NUTM2F: variants seen among roughly 807,000 people sequenced by gnomAD.
NUTM2F encodes the protein NUT family member 2F.
Under a neutral mutation model 43.3 loss-of-function variants are expected in NUTM2F, and 22 were observed. The observed-to-expected ratio is 0.51, with a 90% CI of 0.36 to 0.73. The LOEUF is 0.73. Ranked by LOEUF, NUTM2F falls within the 30% of genes least tolerant of loss-of-function variation. The pLI is 0.00. For missense variants in NUTM2F, 488 were observed against 927.4 expected (o/e 0.53, Z 6.15); for synonymous variants, 202 against 389.0 (o/e 0.52, Z 5.66).
Position 94,322,255 on chromosome 9 carries a change from T to C in NUTM2F, c.788A>G (p.Glu263Gly), listed in dbSNP as rs1159832935. 5 of 1,611,996 alleles carry C rather than the reference T, an allele frequency of 3.1e-6. No individual in the cohort carries two copies. In the East Asian group the frequency reaches 1.1e-4, roughly 36 times the overall value. Reference protein sequence around the residue: ...LEEGLWQAMREWQHTSNFDRM... With the variant: ...LEEGLWQAMRGWQHTSNFDRM... ...GTCAAAGTTGCTCGTGTGCTGCCAT[T>C]CCCGCATGGCCTGCCACAGTCCCTC... is the stretch of plus-strand genomic sequence containing the variant. Residue 263 changes from glutamate to glycine, a missense_variant, in exon 3 of 7, where the codon GAA becomes GGA. Transcript: ENST00000253262.
At chr9:94,326,905 C>T (rs1587704784) in intron 1 of NUTM2F, among the ~76,000 whole-genome samples, 2 of 151,204 alleles carry the variant, frequency 1.3e-5, no homozygotes, top group Middle Eastern at 6.8e-3. Flanking sequence ...AGATTCAGGC[C>T]ACCCATTCCT....
chr9:94,320,369 C>T lies in NUTM2F; in HGVS notation c.1207G>A (p.Glu403Lys), dbSNP rs149664723. The T allele has an allele frequency of 1.4e-3, 2,236 of 1,613,476 alleles. 1 individual carries two copies. The highest frequency in any genetic ancestry group is 1.8e-3 in the Non-Finnish European group (2,072 of 1,179,850). The change falls in exon 5 of 7, where the codon GAG (glutamate) becomes AAG (lysine). Residue 403 changes from glutamate (E) to lysine (K), a missense_variant. Coordinates refer to ENST00000253262, the MANE Select transcript of NUTM2F (RefSeq NM_017561.2). This position sits in a 1 kb window ranked among gnomAD's most constrained non-coding sequence, Gnocchi z 4.5. ...EVVQEYVDIM[E>K]ELLGSHPGDT... is the part of the protein sequence containing the mutation. ...CCAGGGTGAGACCCCAGCAGCTCCT[C>T]CATGATGTCCACATACTCCTGCACC...
At chr9:94,321,332 G>C (rs550044555) in intron 3 of NUTM2F, 100 bp from the exon 4 acceptor site, 4 of 1,523,122 alleles carry the variant, frequency 2.6e-6, no homozygotes, top group Non-Finnish European at 8.8e-7. Context: ...GAGTGCCTCC[G>C]GCGGGCTGTC....
At chr9:94,325,056 CT>C (rs1396948146) in intron 2 of NUTM2F, among the ~76,000 whole-genome samples, 181 bp downstream of exon 2, 1 of 140,546 alleles carries the variant, frequency 7.1e-6, no homozygotes, top group African/African-American at 2.8e-5. Context: ...CGTGAGGCCC[CT>C]GACAGTCTGT....
chr9:94,319,805 C>G (rs1831332024), intron 5 of NUTM2F, 76 bp from the exon 6 acceptor site: 1 of 1,596,282 alleles, frequency 6.3e-7, no homozygotes, highest in East Asian at 2.2e-5. Context: ...GGAGGAGATG[C>G]AGAAAGCGGG....
chr9:94,326,052 CA>C (rs1831449910), intron 1 of NUTM2F, 118 bp from the exon 2 acceptor site: 1 of 948,672 alleles, frequency 1.1e-6, no homozygotes, highest in Non-Finnish European at 1.6e-6. Flanking sequence ...CTGCAGCTTG[CA>C]AGTGTCCCTG....
At chr9:94,322,479 G>T in intron 2 of NUTM2F, 150 bp from the exon 3 acceptor site, 2 of 1,387,786 alleles carry the variant, frequency 1.4e-6, no homozygotes, top group South Asian at 1.3e-5. Flanking sequence ...CAGCCTCCAG[G>T]ACACACCCCC....
chr9:94,324,019 T>C (rs532472094), intron 2 of NUTM2F, among the ~76,000 whole-genome samples: 3,850 of 152,182 alleles, frequency 0.025, 73 homozygotes, highest in Non-Finnish European at 0.038. Flanking sequence ...CCTGCAATCC[T>C]AGCACTTTGG....
chr9:94,322,139 G>A (rs1428353912), intron 3 of NUTM2F, 62 bp downstream of exon 3: 30 of 1,606,916 alleles, frequency 1.9e-5, no homozygotes, highest in South Asian at 9.9e-5. Flanking sequence ...CACGGCCACC[G>A]GGCCTCTGTC....
At chr9:94,321,763 T>C (rs1831370138) in intron 3 of NUTM2F, among the ~76,000 whole-genome samples, 1 of 148,240 alleles carries the variant, frequency 6.7e-6, no homozygotes, top group South Asian at 2.2e-4. Flanking sequence ...AGGGGTCTCA[T>C]GGTGTCCCAG....
chr9:94,328,642 G>C lies in NUTM2F; in HGVS notation c.-19C>G. 6 of 1,612,872 alleles carry C rather than the reference G, an allele frequency of 3.7e-6. No individual in the cohort carries two copies. The highest frequency in any genetic ancestry group is 5.1e-6 in the Non-Finnish European group (6 of 1,179,466). ...AAGCCATCCCCTCAGGCTGGGCACT[G>C]ACCACCACTGTCTGGCAGCTTCCGC... On this transcript the variant is annotated 5_prime_UTR_variant, in exon 1 of 7. Coordinates refer to ENST00000253262, the MANE Select transcript of NUTM2F (RefSeq NM_017561.2).
intron 1 of NUTM2F, among the ~76,000 whole-genome samples, chr9:94,326,627 C>G (rs1217360614): frequency 6.6e-6 from 1 of 151,354 alleles, no homozygotes; most frequent in African/African-American, 2.4e-5. Context: ...GCCTGTAATC[C>G]CAGCTACTCA....
chr9:94,323,740 A>AG (rs1193677447), intron 2 of NUTM2F, among the ~76,000 whole-genome samples: 14 of 151,960 alleles, frequency 9.2e-5, no homozygotes, highest in Non-Finnish European at 2.1e-4. Context: ...CCTTTTTTCT[A>AG]GGGGGGATTG....
In NUTM2F at chr9:94,322,816, C is replaced by T. The variant is rs565842693; in HGVS notation, c.714-487G>A. 3.7e-3 allele frequency among the ~76,000 whole-genome samples: 561 copies of T among 152,210 alleles called. 6 individuals carry two copies. The highest frequency in any genetic ancestry group is 0.013 in the African/African-American group (535 of 41,520). On this transcript the variant is annotated intron_variant, in intron 2 of 6. Transcript: ENST00000253262. ...GAGGGCCCTGACCAGACACCCAATC[C>T]GCTGTCACCTTGATCTGGGACTTCT...
In NUTM2F at chr9:94,325,864, G is replaced by A. The variant is rs751320054; in HGVS notation, c.87C>T (p.Pro29=). The A allele has an allele frequency of 3.7e-6, 6 of 1,611,910 alleles. No homozygotes were observed. In the African/African-American group the frequency reaches 8.0e-5, roughly 22 times the overall value. ...CTGGGCCGGGAGCGGGTGTGGCAAA[G>A]GGCAGAGCCGTGAACACAGACAGGG... is the stretch of plus-strand genomic sequence containing the variant. ...GTSLSVFTAL[P]FATPAPGPAH... Residue 29 remains proline, a synonymous_variant, in exon 2 of 7, where the codon CCC becomes CCT. Transcript: ENST00000253262.
At chr9:94,321,675 G>C (rs913564209) in intron 3 of NUTM2F, among the ~76,000 whole-genome samples, 1 of 144,390 alleles carries the variant, frequency 6.9e-6, no homozygotes, top group African/African-American at 2.6e-5. Context: ...CAGAGGACAG[G>C]GCCCGTTTCC....
In NUTM2F at chr9:94,328,596, C is replaced by T. The variant is rs369499443; in HGVS notation, c.16+12G>A. 14 of 1,613,688 alleles carry T rather than the reference C, an allele frequency of 8.7e-6. No individual in the cohort carries two copies. The highest frequency in any genetic ancestry group is 1.1e-5 in the Non-Finnish European group (13 of 1,179,826). On this transcript the variant is annotated intron_variant, in intron 1 of 6. Transcript: ENST00000253262. ...GGCAGACTCGGATAATGCCCCATCC[C>T]TACAGGCTCACCTCCATTTGAAGCC...
intron 2 of NUTM2F, among the ~76,000 whole-genome samples, chr9:94,323,078 G>A (rs536641162): frequency 5.9e-5 from 9 of 152,162 alleles, no homozygotes; most frequent in Non-Finnish European, 1.0e-4. Flanking sequence ...AGGAGCAGGA[G>A]CACACGTCCA....
chr9:94,318,981 G>C lies in NUTM2F; in HGVS notation c.1755C>G (p.Pro585=), dbSNP rs118014876. 37,985 of 1,604,838 alleles carry C rather than the reference G, an allele frequency of 0.024. No individual in the cohort carries two copies. In the East Asian group the frequency reaches 0.3, roughly 13 times the overall value. Residue 585 remains proline, a synonymous_variant, in exon 7 of 7, where the codon CCC becomes CCG. Transcript: ENST00000253262. The stretch of plus-strand genomic sequence containing the variant: ...AGGTTGGCCGGACAGCCTTCAGCCT[G>C]GGGGAATCCTGACATCCCAAAAGCA... ...PAVLLGCQDS[P]RLKAVRPTSP...
Sources: allele counts gnomAD v4.1 joint callset (sites outside exome capture counted in the v4.1 genomes callset), GRCh38; gene constraint gnomAD v4.1.1; non-coding constraint Gnocchi (gnomAD v3.1); transcripts MANE v1.5; gene names NCBI Gene and HGNC (gene_info 2026-07-23, HGNC 2026-07-21).